The following FHIT variants were observed in gnomAD, a reference collection of about 807,000 sequenced individuals.
FHIT encodes the protein fragile histidine triad diadenosine triphosphatase.
A neutral mutation model predicts 17.9 loss-of-function variants in FHIT; 19 were observed. That is an observed-to-expected ratio of 1.06 (90% CI 0.74 to 1.56). FHIT has a LOEUF of 1.56. Among genes scored for constraint, FHIT ranks in the 40% most tolerant of loss-of-function variants. The pLI is 0.00. For synonymous variants in FHIT, 81 were observed against 69.7 expected, an observed-to-expected ratio of 1.16 and a Z score of -0.81; for missense variants, 248 against 189.2, an observed-to-expected ratio of 1.31 and a Z score of -1.82.
At chr3:60,598,011 A>T (rs1422831950) in intron 4 of FHIT, among the ~76,000 whole-genome samples, 1 of 152,140 alleles carries the variant, frequency 6.6e-6, no homozygotes, top group Non-Finnish European at 1.5e-5. Flanking sequence ...TACATTGAGG[A>T]ATTGGCATTT....
intron 8 of FHIT, among the ~76,000 whole-genome samples, chr3:59,754,649 T>C (rs1428389584): frequency 1.3e-5 from 2 of 152,136 alleles, no homozygotes; most frequent in Middle Eastern, 3.2e-3. Context: ...GGAATCCAAA[T>C]AATTTAGAGC....
intron 4 of FHIT, among the ~76,000 whole-genome samples, chr3:60,636,590 T>G (rs1292644830): frequency 2.6e-5 from 4 of 152,040 alleles, no homozygotes; most frequent in African/African-American, 9.7e-5. Context: ...GCTGAAAATT[T>G]TGTGTTATTC....
At chr3:60,403,967 A>G (rs1040200157) in intron 5 of FHIT, among the ~76,000 whole-genome samples, 3 of 152,188 alleles carry the variant, frequency 2.0e-5, no homozygotes, top group Non-Finnish European at 2.9e-5. Flanking sequence ...CTAAAAGGAC[A>G]GAACTTTGCA....
intron 4 of FHIT, among the ~76,000 whole-genome samples, chr3:60,817,679 G>C (rs1423750186): frequency 6.6e-6 from 1 of 151,906 alleles, no homozygotes; most frequent in Non-Finnish European, 1.5e-5. Context: ...TCTCTTTATT[G>C]TTGGTCCTCA....
chr3:60,643,221 C>T (rs554289530), intron 4 of FHIT, among the ~76,000 whole-genome samples: 1 of 151,986 alleles, frequency 6.6e-6, no homozygotes, highest in South Asian at 2.1e-4. Context: ...CAATGTACAA[C>T]ATGATTTTGT....
At chr3:60,375,805 C>T (rs1289458953) in intron 5 of FHIT, among the ~76,000 whole-genome samples, 1 of 151,966 alleles carries the variant, frequency 6.6e-6, no homozygotes, top group African/African-American at 2.4e-5. Flanking sequence ...GTAGAAAGAC[C>T]TTCCCAGATC....
intron 5 of FHIT, among the ~76,000 whole-genome samples, chr3:60,321,579 C>T (rs1040305447): frequency 6.6e-6 from 1 of 152,170 alleles, no homozygotes; most frequent in African/African-American, 2.4e-5. Flanking sequence ...GATCCCAGAA[C>T]TAAGGGGCAG....
chr3:60,667,154 A>G (rs1553692639), intron 4 of FHIT, among the ~76,000 whole-genome samples: 1 of 148,874 alleles, frequency 6.7e-6, no homozygotes, highest in Non-Finnish European at 1.5e-5. Context: ...TACAGGCATG[A>G]GCCACCATGT....
chr3:59,935,075 G>A (rs1432621186), intron 7 of FHIT, among the ~76,000 whole-genome samples: 1 of 152,092 alleles, frequency 6.6e-6, no homozygotes, highest in African/African-American at 2.4e-5. Context: ...TAGAACCCTG[G>A]GAAGACCATT....
intron 5 of FHIT, among the ~76,000 whole-genome samples, chr3:60,255,738 T>G (rs571262591): frequency 1.3e-5 from 2 of 152,260 alleles, no homozygotes; most frequent in East Asian, 3.9e-4. Context: ...GACATTAGTC[T>G]GCAGCCTTAG....
At chr3:60,453,790 T>A (rs2031905869) in intron 5 of FHIT, among the ~76,000 whole-genome samples, 1 of 152,168 alleles carries the variant, frequency 6.6e-6, no homozygotes, top group South Asian at 2.1e-4. Context: ...TGATAATAAT[T>A]GTATTTTTAT....
chr3:60,312,261 G>A (rs935245411), intron 5 of FHIT, among the ~76,000 whole-genome samples: 3 of 152,038 alleles, frequency 2.0e-5, no homozygotes, highest in Non-Finnish European at 2.9e-5. Flanking sequence ...TTAGCCTCCT[G>A]AGTAACTAGA....
chr3:60,635,908 A>G (rs545380084), intron 4 of FHIT, among the ~76,000 whole-genome samples: 1 of 152,258 alleles, frequency 6.6e-6, no homozygotes, highest in Admixed American at 6.5e-5. Flanking sequence ...TTAAATACAT[A>G]AATCTATTAT....
chr3:59,973,258 G>A (rs149840220), intron 7 of FHIT, among the ~76,000 whole-genome samples: 1 of 152,174 alleles, frequency 6.6e-6, no homozygotes, highest in East Asian at 1.9e-4. Context: ...GATTCCCTCT[G>A]TTTCTGGCCT....
chr3:59,760,381 C>T (rs917709054), intron 8 of FHIT, among the ~76,000 whole-genome samples: 1 of 152,144 alleles, frequency 6.6e-6, no homozygotes, highest in Non-Finnish European at 1.5e-5. Context: ...ATTGAAGTAT[C>T]ACATTGTCAA....
chr3:60,472,287 C>A (rs990561392), intron 5 of FHIT, among the ~76,000 whole-genome samples: 3 of 152,112 alleles, frequency 2.0e-5, no homozygotes, highest in African/African-American at 7.2e-5. Context: ...GAACTGTATG[C>A]CCACTTTTTT....
chr3:60,632,451 T>G (rs2039470214), intron 4 of FHIT, among the ~76,000 whole-genome samples: 1 of 152,184 alleles, frequency 6.6e-6, no homozygotes, highest in South Asian at 2.1e-4. Context: ...AAAGATGACT[T>G]GAATACAGAA....
chr3:60,748,561 C>T (rs1322408279), intron 4 of FHIT, among the ~76,000 whole-genome samples: 2 of 152,134 alleles, frequency 1.3e-5, no homozygotes, highest in East Asian at 3.9e-4. Flanking sequence ...CCTGTAATCC[C>T]AGCACTTTGG....
intron 8 of FHIT, among the ~76,000 whole-genome samples, chr3:59,911,795 G>A (rs1272213188): frequency 1.3e-5 from 2 of 152,314 alleles, no homozygotes; most frequent in East Asian, 3.9e-4. Context: ...GGAAAGCCAC[G>A]GACCTGAGGA....
Sources: gnomAD v4.1 joint callset for allele counts (sites outside exome capture counted in the v4.1 genomes callset) on GRCh38, gnomAD v4.1.1 for gene constraint, MANE v1.5 for transcripts, NCBI Gene and HGNC (gene_info 2026-07-23, HGNC 2026-07-21) for gene names.